FHOD3: variants seen among roughly 807,000 people sequenced by gnomAD.
The protein encoded by FHOD3 is formin homology 2 domain containing 3.
In FHOD3, 90 loss-of-function variants were observed where a neutral mutation model predicts 173.0. The observed-to-expected ratio is 0.52, with a 90% CI of 0.44 to 0.62. FHOD3 has a LOEUF of 0.62. Ranked by LOEUF, FHOD3 falls within the 20% of genes least tolerant of loss-of-function variation. FHOD3 has a pLI of 0.00. For synonymous variants in FHOD3, 828 were observed against 823.0 expected, an observed-to-expected ratio of 1.01 and a Z score of -0.10; for missense variants, 1,945 against 2,034.7, an observed-to-expected ratio of 0.96 and a Z score of 0.85.
chr18:36,310,609 C>T (rs960367217), intron 1 of FHOD3, among the ~76,000 whole-genome samples: 1 of 151,306 alleles, frequency 6.6e-6, no homozygotes, highest in Non-Finnish European at 1.5e-5. Context: ...ATTGCTTGAA[C>T]CTGGGAGGTG....
At chr18:36,619,464 T>A (rs563188634) in intron 9 of FHOD3, among the ~76,000 whole-genome samples, 2 of 152,380 alleles carry the variant, frequency 1.3e-5, no homozygotes, top group South Asian at 4.1e-4. Context: ...TATACTGGAC[T>A]CTTTTCTCTT....
chr18:36,352,840 T>C (rs1422543598), intron 1 of FHOD3, among the ~76,000 whole-genome samples: 1 of 152,252 alleles, frequency 6.6e-6, no homozygotes, highest in Admixed American at 6.5e-5. Flanking sequence ...AAATCAGCTT[T>C]CTTAGTTAAT....
intron 16 of FHOD3, among the ~76,000 whole-genome samples, chr18:36,692,518 G>A (rs766319168): frequency 1.4e-4 from 22 of 152,194 alleles, no homozygotes; most frequent in Non-Finnish European, 2.9e-5. Context: ...TTAATAAACA[G>A]TTAGTGGGTT....
At chr18:36,349,676 T>A (rs1909544163) in intron 1 of FHOD3, among the ~76,000 whole-genome samples, 5 of 152,140 alleles carry the variant, frequency 3.3e-5, no homozygotes, top group Admixed American at 3.3e-4. Context: ...AGTAACATGC[T>A]AGTTCACTGG....
intron 3 of FHOD3, among the ~76,000 whole-genome samples, chr18:36,500,285 C>A (rs1018962471): frequency 1.3e-5 from 2 of 152,158 alleles, no homozygotes; most frequent in Non-Finnish European, 2.9e-5. Context: ...GACTGCCAAG[C>A]AAATACTGAG....
intron 3 of FHOD3, among the ~76,000 whole-genome samples, chr18:36,388,316 C>G (rs981636003): frequency 6.6e-6 from 1 of 152,100 alleles, no homozygotes. Flanking sequence ...CAGGTCTGCT[C>G]TTTTTCAGAC....
chr18:36,576,183 C>T (rs1264000640), intron 5 of FHOD3, among the ~76,000 whole-genome samples: 3 of 152,192 alleles, frequency 2.0e-5, no homozygotes, highest in Non-Finnish European at 2.9e-5. Flanking sequence ...TGCATTTATA[C>T]ATCAAGGCAC....
chr18:36,325,454 G>A (rs577359105), intron 1 of FHOD3, among the ~76,000 whole-genome samples: 56 of 152,334 alleles, frequency 3.7e-4, no homozygotes, highest in Admixed American at 7.8e-4. Flanking sequence ...TTAACTTGAA[G>A]GTTATACAGT....
chr18:36,400,587 T>C (rs906427347), intron 3 of FHOD3, among the ~76,000 whole-genome samples: 1 of 152,214 alleles, frequency 6.6e-6, no homozygotes, highest in African/African-American at 2.4e-5. Flanking sequence ...AGAAGGAGAC[T>C]GTGGTTGGTT....
chr18:36,659,924 T>C (rs932144254), intron 14 of FHOD3, among the ~76,000 whole-genome samples: 12 of 152,202 alleles, frequency 7.9e-5, no homozygotes, highest in Non-Finnish European at 1.3e-4. Context: ...CTGGACTGGC[T>C]GAAGTGCCCC....
intron 2 of FHOD3, among the ~76,000 whole-genome samples, chr18:36,365,813 T>C (rs2046872485): frequency 2.0e-5 from 3 of 152,094 alleles, no homozygotes; most frequent in Admixed American, 2.0e-4. Flanking sequence ...TGAGCGGAAG[T>C]TGACTGAGAA....
chr18:36,573,150 CTT>C (rs60486589), intron 5 of FHOD3, among the ~76,000 whole-genome samples: 4 of 140,714 alleles, frequency 2.8e-5, no homozygotes, highest in Admixed American at 7.1e-5. Context: ...TATTTTTGTT[CTT>C]TTTTTTTTTT....
intron 3 of FHOD3, among the ~76,000 whole-genome samples, chr18:36,411,919 G>T (rs1260308495): frequency 1.3e-5 from 2 of 152,174 alleles, no homozygotes; most frequent in Non-Finnish European, 2.9e-5. Flanking sequence ...AAGCAATGGC[G>T]CCTCCCTTGG....
At chr18:36,394,470 A>C (rs7229634) in intron 3 of FHOD3, among the ~76,000 whole-genome samples, 1 of 152,192 alleles carries the variant, frequency 6.6e-6, no homozygotes, top group African/African-American at 2.4e-5. Flanking sequence ...ACCCCGCAGC[A>C]CTAGATGGGG....
At chr18:36,669,674 A>AT (rs908268810) in intron 14 of FHOD3, among the ~76,000 whole-genome samples, 26 of 151,594 alleles carry the variant, frequency 1.7e-4, no homozygotes, top group Middle Eastern at 3.4e-3. Flanking sequence ...ACACACTTTC[A>AT]TTTTTTTTCT....
At chr18:36,436,319 A>AT (rs923402182) in intron 3 of FHOD3, among the ~76,000 whole-genome samples, 49 of 152,148 alleles carry the variant, frequency 3.2e-4, no homozygotes, top group African/African-American at 1.0e-3. Flanking sequence ...CAGATTGTTG[A>AT]TTTTTTTTAT....
intron 5 of FHOD3, among the ~76,000 whole-genome samples, chr18:36,553,555 A>G (rs1009724465): frequency 6.6e-6 from 1 of 152,100 alleles, no homozygotes; most frequent in African/African-American, 2.4e-5. Flanking sequence ...GGGAGGGTGT[A>G]TGTGTCAAGG....
chr18:36,328,362 G>T (rs947805399), intron 1 of FHOD3, among the ~76,000 whole-genome samples: 33 of 152,202 alleles, frequency 2.2e-4, no homozygotes, highest in African/African-American at 7.7e-4. Context: ...AGCTTTCTGG[G>T]TGGGGGGAAC....
chr18:36,707,337 G>A (rs1048770969), intron 17 of FHOD3, among the ~76,000 whole-genome samples: 12 of 152,134 alleles, frequency 7.9e-5, no homozygotes, highest in Admixed American at 7.9e-4. Flanking sequence ...TCCTGCCCCA[G>A]GCTGGAGTTC....
Sources: gnomAD v4.1 joint callset for allele counts (sites outside exome capture counted in the v4.1 genomes callset) on GRCh38, gnomAD v4.1.1 for gene constraint, MANE v1.5 for transcripts, NCBI Gene and HGNC (gene_info 2026-07-23, HGNC 2026-07-21) for gene names.